UGGT2: variants seen among roughly 807,000 people sequenced by gnomAD.
UGGT2 encodes UDP-glucose glycoprotein glucosyltransferase 2.
In UGGT2, 180 loss-of-function variants were observed where a neutral mutation model predicts 192.1. The ratio of observed to expected loss-of-function variants is 0.94; its 90% CI spans 0.83 to 1.06. UGGT2 has a LOEUF of 1.06. Ranked by LOEUF, UGGT2 falls within the 50% of genes least tolerant of loss-of-function variation. UGGT2 has a pLI of 0.00. For missense variants in UGGT2, 1,849 were observed against 1,795.7 expected, an observed-to-expected ratio of 1.03 and a Z score of -0.54; for synonymous variants, 580 against 591.0, an observed-to-expected ratio of 0.98 and a Z score of 0.27.
intron 33 of UGGT2, 26 bp downstream of exon 33, chr13:95,859,565 T>C: frequency 6.5e-7 from 1 of 1,530,506 alleles, no homozygotes; most frequent in Non-Finnish European, 9.0e-7. Context: ...ACATTAACCA[T>C]TCTACAAAAA....
intron 20 of UGGT2, among the ~76,000 whole-genome samples, chr13:95,920,566 G>A (rs1035726700): frequency 6.6e-6 from 1 of 152,124 alleles, no homozygotes; most frequent in Non-Finnish European, 1.5e-5. Flanking sequence ...AGATATACAT[G>A]TGGCCAAAAA....
At chr13:95,934,674 G>A (rs1205132825) in intron 17 of UGGT2, among the ~76,000 whole-genome samples, 3 of 152,074 alleles carry the variant, frequency 2.0e-5, no homozygotes, top group African/African-American at 7.2e-5. Context: ...ATGACGCCTG[G>A]CTAAGTTTTA....
intron 15 of UGGT2, 97 bp from the exon 16 acceptor site, chr13:95,940,188 C>A: frequency 1.1e-6 from 1 of 910,354 alleles, no homozygotes; most frequent in South Asian, 2.2e-5. Flanking sequence ...TTTGTAAGTT[C>A]AAAATATACT....
Position 95,839,841 on chromosome 13 carries a change from A to G in UGGT2, c.4285-2639T>C, listed in dbSNP as rs569409502. On this transcript the variant is annotated intron_variant, in intron 36 of 38. Coordinates refer to ENST00000376747, the MANE Select transcript of UGGT2 (RefSeq NM_020121.4). ...ATTGTAGCTATCATAGCGAGTATGA[A>G]GTGGTATCTCATTGTGGTTTTGATT... 4.6e-5 allele frequency among the ~76,000 whole-genome samples: 7 copies of G among 152,242 alleles called. No homozygotes were observed. The South Asian group carries it at 1.5e-3, about 32-fold the overall frequency.
chr13:96,028,176 A>T (rs1047831992), intron 2 of UGGT2, among the ~76,000 whole-genome samples: 1 of 152,166 alleles, frequency 6.6e-6, no homozygotes, highest in Admixed American at 6.5e-5. Flanking sequence ...TTTTATCTAG[A>T]TCTCTCACTC....
intron 30 of UGGT2, among the ~76,000 whole-genome samples, chr13:95,865,570 AGAAAGATCAC>A (rs1390758384): frequency 6.6e-6 from 1 of 152,212 alleles, no homozygotes; most frequent in Non-Finnish European, 1.5e-5. Flanking sequence ...GGGCTGAGGC[AGAAAGATCAC>A]TTGACCTTAG....
chr13:95,871,353 G>T (rs940795935), intron 29 of UGGT2, among the ~76,000 whole-genome samples: 32 of 152,108 alleles, frequency 2.1e-4, no homozygotes, highest in Non-Finnish European at 4.3e-4. Flanking sequence ...TTCAGAAAAG[G>T]GATTGTGTGA....
intron 20 of UGGT2, among the ~76,000 whole-genome samples, chr13:95,921,255 A>G (rs951437930): frequency 4.6e-5 from 7 of 151,596 alleles, no homozygotes; most frequent in Non-Finnish European, 7.4e-5. Context: ...AGGGCTTAGT[A>G]TCTAGGCAAT....
At chr13:96,013,258 TTG>T in intron 5 of UGGT2, 47 bp downstream of exon 5, 1 of 1,497,100 alleles carries the variant, frequency 6.7e-7, no homozygotes, top group Admixed American at 2.5e-5. Flanking sequence ...ATCATAATAA[TTG>T]TTTTTTTCTA....
chr13:95,866,076 T>G (rs1038553576), intron 30 of UGGT2, among the ~76,000 whole-genome samples: 3 of 152,116 alleles, frequency 2.0e-5, no homozygotes, highest in Non-Finnish European at 4.4e-5. Context: ...TATATTTTCT[T>G]TTTTTCCTGT....
chr13:96,025,917 T>G (rs2052650181), intron 2 of UGGT2, among the ~76,000 whole-genome samples: 1 of 151,716 alleles, frequency 6.6e-6, no homozygotes, highest in African/African-American at 2.4e-5. Flanking sequence ...GGAAAAGTGA[T>G]AAAAATGAAA....
At chr13:96,026,045 G>A (rs191469227) in intron 2 of UGGT2, among the ~76,000 whole-genome samples, 195 of 151,996 alleles carry the variant, frequency 1.3e-3, no homozygotes, top group Admixed American at 2.4e-3. Flanking sequence ...TCAAGGGAAT[G>A]GAACAGAATA....
chr13:95,842,562 C>T (rs1163601644), intron 36 of UGGT2, among the ~76,000 whole-genome samples: 2 of 152,158 alleles, frequency 1.3e-5, no homozygotes, highest in Admixed American at 6.5e-5. Context: ...GCAATTCCTT[C>T]TCCTGGTCTG....
chr13:95,931,506 G>A (rs2140473892), intron 17 of UGGT2, among the ~76,000 whole-genome samples: 1 of 152,000 alleles, frequency 6.6e-6, no homozygotes, highest in African/African-American at 2.4e-5. Flanking sequence ...TCGTCGGGGA[G>A]GCTCGGGCTG....
rs566741530 is a variant in UGGT2 at position 96,046,557 on chromosome 13, G to A, written c.158+6598C>T. 3.3e-5 allele frequency among the ~76,000 whole-genome samples: 5 copies of A among 152,352 alleles called. No homozygotes were observed. In the East Asian group the frequency reaches 9.6e-4, roughly 29 times the overall value. On this transcript the variant is annotated intron_variant, in intron 1 of 38. Transcript: ENST00000376747. ...CTAGCATGAGCGATGCAGAAGAAAG[G>A]TGATTTCCGCATTTCCAACTGAGGT...
intron 29 of UGGT2, 77 bp downstream of exon 29, chr13:95,877,202 T>C: frequency 1.7e-6 from 2 of 1,205,828 alleles, no homozygotes; most frequent in Non-Finnish European, 1.2e-6. Flanking sequence ...TTTTAATTGT[T>C]GTTTTGATTC....
intron 38 of UGGT2, among the ~76,000 whole-genome samples, chr13:95,811,296 T>C (rs144254960): frequency 6.1e-4 from 93 of 152,340 alleles, no homozygotes; most frequent in African/African-American, 2.1e-3. Flanking sequence ...AAAACCTGTA[T>C]ATAAATATTC....
In UGGT2 at chr13:95,877,861, G is replaced by A; in HGVS notation, c.3229-5C>T. The A allele has an allele frequency of 6.2e-7, 1 of 1,608,366 alleles. No individual in the cohort carries two copies. ...TGCTGTAACAGTTTTCTCAGTCTGTGGAGGAAGTATGTCATTGTTTTTGGT... is the reference window on the plus strand; with the variant it reads ...TGCTGTAACAGTTTTCTCAGTCTGTAGAGGAAGTATGTCATTGTTTTTGGT... On this transcript the variant is annotated splice_region_variant and splice_polypyrimidine_tract_variant and intron_variant, in intron 27 of 38. Coordinates refer to ENST00000376747, the MANE Select transcript of UGGT2 (RefSeq NM_020121.4).
chr13:95,964,523 C>A (rs2050504687), intron 12 of UGGT2, among the ~76,000 whole-genome samples: 1 of 152,010 alleles, frequency 6.6e-6, no homozygotes, highest in South Asian at 2.1e-4. Context: ...AAGAGCAAGC[C>A]TGTTCGATGG....
Sources: gnomAD v4.1 joint callset for allele counts (sites outside exome capture counted in the v4.1 genomes callset) on GRCh38, gnomAD v4.1.1 for gene constraint, MANE v1.5 for transcripts, NCBI Gene and HGNC (gene_info 2026-07-23, HGNC 2026-07-21) for gene names.